EPHA5: variants seen among roughly 807,000 people sequenced by gnomAD.
EPHA5 encodes the protein EPH receptor A5.
Under a neutral mutation model 105.0 loss-of-function variants are expected in EPHA5, and 60 were observed. The ratio of observed to expected loss-of-function variants is 0.57; its 90% confidence interval spans 0.46 to 0.71. The LOEUF is 0.71. EPHA5 is among the 30% of genes least tolerant of loss of function. EPHA5 has a pLI of 0.00. For missense variants in EPHA5, 1,218 were observed against 1,274.7 expected (o/e 0.96, Z 0.68); for synonymous variants, 513 against 449.1 (o/e 1.14, Z -1.80).
intron 13 of EPHA5, among the ~76,000 whole-genome samples, chr4:65,349,586 A>G (rs1466725189): frequency 6.6e-6 from 1 of 152,112 alleles, no homozygotes; most frequent in Non-Finnish European, 1.5e-5. Context: ...AAGGGAAAAA[A>G]TAGGACTTAA....
chr4:65,364,188 T>A (rs1717624731), intron 11 of EPHA5, among the ~76,000 whole-genome samples: 1 of 151,600 alleles, frequency 6.6e-6, no homozygotes, highest in Admixed American at 6.6e-5. Context: ...TTTCCTACAT[T>A]CCTCTCTGAG....
intron 8 of EPHA5, among the ~76,000 whole-genome samples, chr4:65,372,953 A>G (rs1222114699): frequency 6.6e-6 from 1 of 151,952 alleles, no homozygotes. Flanking sequence ...AAATATGCAA[A>G]GATAAATTAT....
At chr4:65,377,643 A>C (rs1719142961) in intron 8 of EPHA5, among the ~76,000 whole-genome samples, 1 of 151,908 alleles carries the variant, frequency 6.6e-6, no homozygotes. Flanking sequence ...AGTATCTCCA[A>C]ATATATATTT....
chr4:65,474,561 C>A (rs560655340), intron 5 of EPHA5, among the ~76,000 whole-genome samples: 2 of 151,928 alleles, frequency 1.3e-5, no homozygotes, highest in African/African-American at 2.4e-5. Context: ...GAGGAAAATT[C>A]GAAAATGTAA....
chr4:65,465,644 G>A (rs570677930), intron 5 of EPHA5, among the ~76,000 whole-genome samples: 2 of 151,912 alleles, frequency 1.3e-5, no homozygotes, highest in South Asian at 2.1e-4. Context: ...AACAAAAAGC[G>A]GAAATAATAG....
Position 65,403,696 on chromosome 4 carries a change from G to T in EPHA5, c.1793+678C>A, listed in dbSNP as rs539797938. Among the ~76,000 whole-genome samples the T allele has an allele frequency of 6.6e-5, 10 of 151,996 alleles. No individual in the cohort carries two copies. In the East Asian group the frequency reaches 1.9e-3, roughly 29 times the overall value. On this transcript the variant is annotated intron_variant, in intron 8 of 16. Transcript: ENST00000613740. Reference sequence around the variant, plus strand: ...TCAGCTTAATATCAGAAAGCACCTAGAATAGCTATTGTTAAGACTTTATCT... The same window carrying T: ...TCAGCTTAATATCAGAAAGCACCTATAATAGCTATTGTTAAGACTTTATCT...
At chr4:65,511,879 A>G (rs918319072) in intron 3 of EPHA5, among the ~76,000 whole-genome samples, 2 of 152,218 alleles carry the variant, frequency 1.3e-5, no homozygotes, top group Non-Finnish European at 2.9e-5. Context: ...TTCCATGTAC[A>G]TATGTACACT....
intron 3 of EPHA5, among the ~76,000 whole-genome samples, chr4:65,522,456 C>A (rs1034965326): frequency 1.3e-5 from 2 of 151,678 alleles, no homozygotes; most frequent in African/African-American, 4.8e-5. Flanking sequence ...AAAAAGCAAT[C>A]CTGACCCTTC....
intron 2 of EPHA5, among the ~76,000 whole-genome samples, chr4:65,640,997 T>C (rs1285054918): frequency 6.6e-6 from 1 of 152,164 alleles, no homozygotes; most frequent in Non-Finnish European, 1.5e-5. Context: ...AATCAGACAA[T>C]TGCCTCTCTT....
chr4:65,452,611 G>A (rs1727176660), intron 5 of EPHA5, among the ~76,000 whole-genome samples: 1 of 151,278 alleles, frequency 6.6e-6, no homozygotes, highest in Non-Finnish European at 1.5e-5. Context: ...ACATCCTATG[G>A]CTGTTGGAAT....
chr4:65,462,258 T>C (rs1405165478), intron 5 of EPHA5, among the ~76,000 whole-genome samples: 3 of 152,208 alleles, frequency 2.0e-5, no homozygotes, highest in African/African-American at 4.8e-5. Context: ...ATTTATATAT[T>C]GTCTTTCCCC....
At chr4:65,463,633 G>T (rs1210461985) in intron 5 of EPHA5, among the ~76,000 whole-genome samples, 4 of 151,990 alleles carry the variant, frequency 2.6e-5, no homozygotes, top group Non-Finnish European at 5.9e-5. Context: ...CCTTTAACAA[G>T]TACCTCATTT....
At chr4:65,559,610 G>A (rs1412859971) in intron 3 of EPHA5, among the ~76,000 whole-genome samples, 1 of 152,094 alleles carries the variant, frequency 6.6e-6, no homozygotes, top group Non-Finnish European at 1.5e-5. Flanking sequence ...TTAACCAGCA[G>A]GCTCTTTAAG....
chr4:65,433,980 G>A (rs970194210), intron 5 of EPHA5, among the ~76,000 whole-genome samples: 1 of 152,074 alleles, frequency 6.6e-6, no homozygotes, highest in African/African-American at 2.4e-5. Flanking sequence ...GCTTGAACCC[G>A]GGAGGCGGAA....
chr4:65,611,497 A>G (rs1161467978), intron 2 of EPHA5, among the ~76,000 whole-genome samples: 1 of 150,272 alleles, frequency 6.7e-6, no homozygotes, highest in Non-Finnish European at 1.5e-5. Context: ...AGGCAAAATA[A>G]ATACAATTAC....
At chr4:65,388,611 G>T (rs1007795243) in intron 8 of EPHA5, among the ~76,000 whole-genome samples, 1 of 151,556 alleles carries the variant, frequency 6.6e-6, no homozygotes, top group Non-Finnish European at 1.5e-5. Flanking sequence ...CTGCATAAAT[G>T]TCTTCTTTTG....
intron 3 of EPHA5, among the ~76,000 whole-genome samples, chr4:65,518,638 C>T (rs1734349005): frequency 6.6e-6 from 1 of 151,966 alleles, no homozygotes; most frequent in Admixed American, 6.6e-5. Context: ...TCATTATGTT[C>T]TTACGTCAGA....
At chr4:65,507,238 G>A (rs567953456) in intron 3 of EPHA5, among the ~76,000 whole-genome samples, 1 of 151,996 alleles carries the variant, frequency 6.6e-6, no homozygotes, top group African/African-American at 2.4e-5. Context: ...CTCTGTTTTG[G>A]TACCAGTACC....
intron 4 of EPHA5, among the ~76,000 whole-genome samples, chr4:65,494,180 G>T (rs1023348616): frequency 6.6e-6 from 1 of 152,242 alleles, no homozygotes; most frequent in South Asian, 2.1e-4. Context: ...TAAAAGAATG[G>T]TCTTCAGAAT....
Sources: gnomAD v4.1 joint callset for allele counts (sites outside exome capture counted in the v4.1 genomes callset) on GRCh38, gnomAD v4.1.1 for gene constraint, MANE v1.5 for transcripts, NCBI Gene and HGNC (gene_info 2026-07-23, HGNC 2026-07-21) for gene names.